SPAG16: variants seen among roughly 807,000 people sequenced by gnomAD.
The protein encoded by SPAG16 is sperm associated antigen 16, also known as sperm-associated antigen 16 protein.
SPAG16 carries 86 observed loss-of-function variants against 80.4 expected under a neutral mutation model. The ratio of observed to expected loss-of-function variants is 1.07; its 90% confidence interval spans 0.90 to 1.28. The LOEUF is 1.28. Ranked by LOEUF, SPAG16 falls within the 50% of genes most tolerant of loss-of-function variation. The pLI is 0.00. For synonymous variants in SPAG16, 294 were observed against 265.9 expected, an observed-to-expected ratio of 1.11 and a Z score of -1.03; for missense variants, 870 against 765.3, an observed-to-expected ratio of 1.14 and a Z score of -1.61.
At chr2:214,154,208 T>C (rs527971018) in intron 15 of SPAG16, among the ~76,000 whole-genome samples, 14 of 152,318 alleles carry the variant, frequency 9.2e-5, no homozygotes, top group Middle Eastern at 3.4e-3. Context: ...TTTATATACA[T>C]ACTTTTCCAC....
intron 10 of SPAG16, among the ~76,000 whole-genome samples, chr2:213,850,726 G>A (rs775704469): frequency 3.8e-4 from 58 of 152,120 alleles, no homozygotes; most frequent in Admixed American, 5.9e-4. Context: ...TAGAAAATGC[G>A]ATGGGAGACA....
chr2:214,354,164 T>C (rs1306179306), intron 15 of SPAG16, among the ~76,000 whole-genome samples: 2 of 152,126 alleles, frequency 1.3e-5, no homozygotes. Flanking sequence ...AAAAATGATA[T>C]ACATTTTTGT....
At chr2:214,181,509 T>C (rs2057306876) in intron 15 of SPAG16, among the ~76,000 whole-genome samples, 1 of 151,772 alleles carries the variant, frequency 6.6e-6, no homozygotes, top group Non-Finnish European at 1.5e-5. Flanking sequence ...ATTCTATATA[T>C]GAACACCATG....
chr2:214,332,931 A>G (rs1439989879), intron 15 of SPAG16, among the ~76,000 whole-genome samples: 1 of 152,160 alleles, frequency 6.6e-6, no homozygotes, highest in Non-Finnish European at 1.5e-5. Context: ...CCTTGCCTTT[A>G]TATGCCCATT....
chr2:213,692,535 C>T (rs2064983641), intron 10 of SPAG16, among the ~76,000 whole-genome samples: 1 of 152,072 alleles, frequency 6.6e-6, no homozygotes, highest in Non-Finnish European at 1.5e-5. Flanking sequence ...GTCTGCCGGG[C>T]ATGGTGGCTC....
intron 13 of SPAG16, among the ~76,000 whole-genome samples, chr2:214,092,035 T>C (rs936372597): frequency 1.3e-5 from 2 of 152,156 alleles, no homozygotes; most frequent in African/African-American, 2.4e-5. Flanking sequence ...ATGTATCTGA[T>C]AGAAATAACT....
At chr2:213,720,619 C>T (rs2066477446) in intron 10 of SPAG16, among the ~76,000 whole-genome samples, 1 of 150,656 alleles carries the variant, frequency 6.6e-6, no homozygotes, top group Non-Finnish European at 1.5e-5. Context: ...GCCTGGGCGA[C>T]AGAGAAAGAC....
At chr2:213,389,360 A>T (rs2067616039) in intron 9 of SPAG16, among the ~76,000 whole-genome samples, 1 of 152,172 alleles carries the variant, frequency 6.6e-6, no homozygotes, top group East Asian at 1.9e-4. Context: ...TTTAACAATG[A>T]TTTCTTAGAT....
chr2:214,080,978 T>C (rs931828207), intron 13 of SPAG16, among the ~76,000 whole-genome samples: 1 of 152,002 alleles, frequency 6.6e-6, no homozygotes, highest in Non-Finnish European at 1.5e-5. Context: ...ATATGCCTGA[T>C]CCAGAAACCA....
chr2:214,028,979 CT>C (rs1286188811), intron 13 of SPAG16, among the ~76,000 whole-genome samples: 2 of 151,584 alleles, frequency 1.3e-5, no homozygotes, highest in African/African-American at 2.4e-5. Context: ...TTTGGGGAGA[CT>C]TTTAGTAGAA....
intron 10 of SPAG16, among the ~76,000 whole-genome samples, chr2:213,696,845 T>C (rs2065174927): frequency 6.6e-6 from 1 of 152,144 alleles, no homozygotes; most frequent in Non-Finnish European, 1.5e-5. Flanking sequence ...ACTCTTCTTG[T>C]AAGTTTTATC....
intron 14 of SPAG16, among the ~76,000 whole-genome samples, chr2:214,144,767 A>G (rs189902500): frequency 1.5e-4 from 23 of 152,208 alleles, no homozygotes; most frequent in African/African-American, 4.3e-4. Context: ...TCCAAAAGAA[A>G]AAGGTATTTA....
intron 15 of SPAG16, among the ~76,000 whole-genome samples, chr2:214,271,351 C>T (rs553843173): frequency 1.2e-3 from 189 of 152,168 alleles, no homozygotes; most frequent in Non-Finnish European, 2.0e-3. Context: ...AAATAAGTCC[C>T]TTATGATACC....
At chr2:214,154,524 C>A (rs887317732) in intron 15 of SPAG16, among the ~76,000 whole-genome samples, 2 of 127,430 alleles carry the variant, frequency 1.6e-5, no homozygotes, top group Non-Finnish European at 1.6e-5. Context: ...TTTTCATAAC[C>A]TAACAAGATA....
rs1575567351 is a variant in SPAG16 at position 213,925,143 on chromosome 2, T to G, written c.1215-4817T>G. Among the ~76,000 whole-genome samples the G allele has an allele frequency of 4.7e-5, 7 of 148,680 alleles. No individual in the cohort carries two copies. In the Admixed American group the frequency reaches 4.7e-4, roughly 10 times the overall value. ...TAATACTATATCATTATTGTTTTTT[T>G]TTATTTTTACAAGCATTTTTGTTTT... is the stretch of plus-strand genomic sequence containing the variant. On this transcript the variant is annotated intron_variant, in intron 11 of 15. Coordinates refer to ENST00000331683, the MANE Select transcript of SPAG16 (RefSeq NM_024532.5).
chr2:214,170,231 CACACACACTTAGGTGTGTATACATAT>C (rs2056823140), intron 15 of SPAG16, among the ~76,000 whole-genome samples: 1 of 136,736 alleles, frequency 7.3e-6, no homozygotes, highest in Admixed American at 7.3e-5. Flanking sequence ...TATACGTATA[CACACACACTTAGGTGTGTATACATAT>C]ACACACACAC....
intron 10 of SPAG16, among the ~76,000 whole-genome samples, chr2:213,634,809 A>G (rs1006362256): frequency 3.3e-5 from 5 of 152,004 alleles, no homozygotes; most frequent in African/African-American, 7.2e-5. Flanking sequence ...ATGCCTTTAC[A>G]TCTTCATACC....
intron 10 of SPAG16, among the ~76,000 whole-genome samples, chr2:213,572,354 C>T (rs1162957102): frequency 1.9e-5 from 2 of 105,220 alleles, no homozygotes; most frequent in Non-Finnish European, 3.8e-5. Context: ...CTGTTTTTTC[C>T]CCATCTTTGT....
intron 6 of SPAG16, among the ~76,000 whole-genome samples, chr2:213,342,261 AGT>A (rs2064723824): frequency 6.7e-6 from 1 of 148,714 alleles, no homozygotes; most frequent in Non-Finnish European, 1.5e-5. Flanking sequence ...TATGCAGCAA[AGT>A]GTATATATAT....
Sources: allele counts gnomAD v4.1 joint callset (sites outside exome capture counted in the v4.1 genomes callset), GRCh38; gene constraint gnomAD v4.1.1; transcripts MANE v1.5; gene names NCBI Gene and HGNC (gene_info 2026-07-23, HGNC 2026-07-21).